The following CLASP1 variants were observed in gnomAD, a reference collection of about 807,000 sequenced individuals.
CLASP1 encodes CLIP-associating protein 1.
In CLASP1, 38 loss-of-function variants were observed where a neutral mutation model predicts 192.3. That is an observed-to-expected ratio of 0.20 (90% CI 0.15 to 0.26). The LOEUF is 0.26. Among genes scored for constraint, CLASP1 ranks in the 10% least tolerant of loss-of-function variants. CLASP1 has a pLI of 1.00. For synonymous variants in CLASP1, 691 were observed against 712.8 expected, an observed-to-expected ratio of 0.97 and a Z score of 0.49; for missense variants, 1,433 against 1,932.5, an observed-to-expected ratio of 0.74 and a Z score of 4.85.
At chr2:121,619,385 G>A (rs557222995) in intron 1 of CLASP1, among the ~76,000 whole-genome samples, 31 of 152,274 alleles carry the variant, frequency 2.0e-4, no homozygotes, top group African/African-American at 7.5e-4. Flanking sequence ...TCATTTCATA[G>A]TGGAGGGAAA....
intron 2 of CLASP1, among the ~76,000 whole-genome samples, chr2:121,591,908 C>G (rs2062443652): frequency 6.6e-6 from 1 of 152,218 alleles, no homozygotes; most frequent in Admixed American, 6.5e-5. Flanking sequence ...ATGTAAAATG[C>G]AGCTGTAGAT....
chr2:121,521,200 A>G (rs972428459), intron 6 of CLASP1, among the ~76,000 whole-genome samples: 1 of 152,234 alleles, frequency 6.6e-6, no homozygotes, highest in African/African-American at 2.4e-5. Flanking sequence ...TTGCTTCAAC[A>G]TAATCTAACT....
At chr2:121,556,354 C>T (rs569896332) in intron 2 of CLASP1, among the ~76,000 whole-genome samples, 3 of 152,204 alleles carry the variant, frequency 2.0e-5, no homozygotes, top group African/African-American at 7.2e-5. Flanking sequence ...CCAAGGGCTC[C>T]CCAGCTTGGG....
intron 2 of CLASP1, among the ~76,000 whole-genome samples, chr2:121,578,721 C>A (rs1445533134): frequency 3.0e-5 from 4 of 131,804 alleles, no homozygotes; most frequent in Non-Finnish European, 6.1e-5. Flanking sequence ...AGCAAGACTC[C>A]GTCTCAAAAA....
At chr2:121,429,771 T>C (rs533930365) in intron 20 of CLASP1, among the ~76,000 whole-genome samples, 1 of 152,264 alleles carries the variant, frequency 6.6e-6, no homozygotes, top group South Asian at 2.1e-4. Context: ...AATGCAAAAA[T>C]GAGTCACAGA....
chr2:121,459,003 T>C (rs770114891), intron 12 of CLASP1, 28 bp from the exon 13 acceptor site: 13 of 1,546,224 alleles, frequency 8.4e-6, no homozygotes, highest in Admixed American at 4.0e-5. Flanking sequence ...TACTGGACTA[T>C]AGTTATTTTT....
At chr2:121,505,654 T>C (rs968247077) in intron 7 of CLASP1, among the ~76,000 whole-genome samples, 5 of 152,198 alleles carry the variant, frequency 3.3e-5, no homozygotes, top group Non-Finnish European at 7.3e-5. Flanking sequence ...ATTGAATACA[T>C]AACTAATGAT....
Position 121,348,733 on chromosome 2 carries a change from TC to T in CLASP1, c.4207-16del. 6.3e-7 allele frequency: 1 copy of T among 1,577,658 alleles called. No homozygotes were observed. Among genetic ancestry groups the T allele is most frequent in the Non-Finnish European group, 8.6e-7 (1 of 1,160,604 alleles). The stretch of plus-strand genomic sequence containing the variant: ...GCTCTCACCACCTGAAACACCCAGT[TC>T]CCCCAAAGAGTGAGCTCCACATGCC... On this transcript the variant is annotated splice_polypyrimidine_tract_variant and intron_variant, in intron 37 of 39. Coordinates refer to ENST00000263710, the Ensembl canonical transcript of CLASP1.
chr2:121,634,790 G>C (rs144945997), intron 1 of CLASP1, among the ~76,000 whole-genome samples: 2 of 152,234 alleles, frequency 1.3e-5, no homozygotes, highest in African/African-American at 4.8e-5. Flanking sequence ...TTTTTAGAGG[G>C]CCATCTTCCT....
chr2:121,609,360 A>G (rs2064888433), intron 1 of CLASP1, among the ~76,000 whole-genome samples: 1 of 152,232 alleles, frequency 6.6e-6, no homozygotes, highest in Non-Finnish European at 1.5e-5. Context: ...AAAACAGGTC[A>G]CAAATTCCTA....
intron 1 of CLASP1, among the ~76,000 whole-genome samples, chr2:121,610,363 GAGTTAC>G: frequency 6.7e-6 from 1 of 150,050 alleles, no homozygotes; most frequent in Non-Finnish European, 1.5e-5. Context: ...GGAGGAGGAA[GAGTTAC>G]AGGAGGAAGA....
rs1472174649 is a variant in CLASP1, at chr2:121,398,416, A to G, written c.2901-16T>C. ...AAAGGAGTCCCTAGGTTGGTGGGAA[A>G]AAAGTGCTTATTTTTAAAGAAATTT... On this transcript the variant is annotated splice_polypyrimidine_tract_variant and intron_variant, in intron 28 of 39. Transcript: ENST00000263710. The G allele has an allele frequency of 6.6e-7, 1 of 1,525,378 alleles. No homozygotes were observed. The highest frequency in any genetic ancestry group is 2.4e-5 in the East Asian group (1 of 42,490). The allele number at this position is 1,525,378 out of a possible 1,614,324, so 94.5% of individuals were successfully genotyped here. A position where few individuals can be genotyped will look rare whatever the true frequency, so the allele number is the denominator to read the frequency against.
At chr2:121,403,504 G>A in intron 26 of CLASP1, 1 of 456,730 alleles carries the variant, frequency 2.2e-6, no homozygotes, top group South Asian at 1.5e-5. Flanking sequence ...GCAAGACTTG[G>A]AGGAGCCCAT....
At chr2:121,626,840 G>A (rs1003102540) in intron 1 of CLASP1, among the ~76,000 whole-genome samples, 7 of 152,054 alleles carry the variant, frequency 4.6e-5, no homozygotes, top group East Asian at 3.9e-4. Context: ...TTAGACACAC[G>A]TATCATTTAG....
chr2:121,344,806 TAGG>T (rs2063239969), intron 39 of CLASP1, among the ~76,000 whole-genome samples: 1 of 152,022 alleles, frequency 6.6e-6, no homozygotes, highest in African/African-American at 2.4e-5. Flanking sequence ...GAGTTTGTAT[TAGG>T]AGATGTGTAC....
chr2:121,648,296 C>T (rs910207793), intron 1 of CLASP1, among the ~76,000 whole-genome samples: 3 of 152,226 alleles, frequency 2.0e-5, no homozygotes, highest in African/African-American at 7.2e-5. Context: ...CTATTTCTCG[C>T]TTCTGACTCT....
At chr2:121,399,123 T>TA (rs1300167586) in intron 28 of CLASP1, among the ~76,000 whole-genome samples, 4 of 152,238 alleles carry the variant, frequency 2.6e-5, no homozygotes, top group African/African-American at 7.2e-5. Flanking sequence ...TGGACTCTCT[T>TA]AGAGATTTTT....
chr2:121,424,988 G>T, intron 22 of CLASP1, 151 bp downstream of exon 22: 1 of 692,478 alleles, frequency 1.4e-6, no homozygotes, highest in Non-Finnish European at 2.3e-6. Context: ...ACCTCAATAT[G>T]CCATAATCTG....
At chr2:121,447,809 A>T (rs530823239) in intron 18 of CLASP1, among the ~76,000 whole-genome samples, 1 of 152,320 alleles carries the variant, frequency 6.6e-6, no homozygotes, top group Non-Finnish European at 1.5e-5. Flanking sequence ...GAAATAAGGA[A>T]AAAATGCTCA....
Sources: allele counts gnomAD v4.1 joint callset (sites outside exome capture counted in the v4.1 genomes callset), GRCh38; gene constraint gnomAD v4.1.1; transcripts MANE v1.5; gene names NCBI Gene and HGNC (gene_info 2026-07-23, HGNC 2026-07-21).